The following SOX5 variants were observed in gnomAD, a reference collection of about 807,000 sequenced individuals.
The protein encoded by SOX5 is SRY-box transcription factor 5, also known as transcription factor SOX-5.
A neutral mutation model predicts 92.0 loss-of-function variants in SOX5; 9 were observed. That is an observed-to-expected ratio of 0.10 (90% CI 0.06 to 0.17). The LOEUF is 0.17. Ranked by LOEUF, SOX5 falls within the 10% of genes least tolerant of loss-of-function variation. The pLI is 1.00. For missense variants in SOX5, 642 were observed against 944.5 expected (o/e 0.68, Z 4.20); for synonymous variants, 344 against 336.3 (o/e 1.02, Z -0.25).
chr12:23,878,735 T>A (rs1338014699), intron 2 of SOX5, among the ~76,000 whole-genome samples: 1 of 152,156 alleles, frequency 6.6e-6, no homozygotes, highest in African/African-American at 2.4e-5. Flanking sequence ...TCATATTTTT[T>A]ATTCTCTCTT....
At chr12:23,753,737 A>G (rs1322180485) in intron 4 of SOX5, among the ~76,000 whole-genome samples, 4 of 151,716 alleles carry the variant, frequency 2.6e-5, no homozygotes, top group South Asian at 2.1e-4. Context: ...GGCCCTACAT[A>G]ATCTTTGTGC....
chr12:24,043,740 T>G (rs920882642), intron 4 of SOX5, among the ~76,000 whole-genome samples: 1 of 152,240 alleles, frequency 6.6e-6, no homozygotes, highest in Non-Finnish European at 1.5e-5. Flanking sequence ...GTTATGGAAT[T>G]ACTCATAAAA....
At chr12:23,948,621 A>G (rs1032554116) in intron 1 of SOX5, among the ~76,000 whole-genome samples, 6 of 151,514 alleles carry the variant, frequency 4.0e-5, no homozygotes, top group African/African-American at 1.2e-4. Context: ...TTAATTCACC[A>G]TACAGAATAC....
At chr12:24,154,529 T>C (rs10842285) in intron 4 of SOX5, among the ~76,000 whole-genome samples, 88,998 of 151,962 alleles carry the variant, frequency 0.59, 27,033 homozygotes, top group African/African-American at 0.68. Flanking sequence ...GAGAAAAATT[T>C]GTAAACAAGT....
intron 3 of SOX5, among the ~76,000 whole-genome samples, chr12:24,230,297 G>A (rs1963097160): frequency 6.6e-6 from 1 of 152,062 alleles, no homozygotes; most frequent in Non-Finnish European, 1.5e-5. Flanking sequence ...TCCTGGCCCA[G>A]ACCCCTCCTG....
chr12:23,801,309 G>C (rs2095655405), intron 3 of SOX5, among the ~76,000 whole-genome samples: 1 of 151,992 alleles, frequency 6.6e-6, no homozygotes, highest in Admixed American at 6.6e-5. Flanking sequence ...GAGCCAAAGA[G>C]AACATGAACA....
intron 4 of SOX5, among the ~76,000 whole-genome samples, chr12:23,747,181 T>C (rs781356171): frequency 6.6e-6 from 1 of 152,098 alleles, no homozygotes; most frequent in African/African-American, 2.4e-5. Context: ...CCCTATATAA[T>C]TCATTGGAAA....
chr12:24,293,743 G>A (rs1392335466), intron 2 of SOX5, among the ~76,000 whole-genome samples: 1 of 151,930 alleles, frequency 6.6e-6, no homozygotes, highest in Non-Finnish European at 1.5e-5. Flanking sequence ...TAAGTCAATG[G>A]GACCGATCTC....
At chr12:23,641,435 T>C (rs1319893194) in intron 7 of SOX5, among the ~76,000 whole-genome samples, 1 of 152,228 alleles carries the variant, frequency 6.6e-6, no homozygotes, top group Admixed American at 6.5e-5. Context: ...TTTCAAGTTA[T>C]ATGAAATATT....
intron 3 of SOX5, among the ~76,000 whole-genome samples, chr12:23,840,065 G>T (rs1195389245): frequency 2.0e-5 from 3 of 151,292 alleles, no homozygotes; most frequent in African/African-American, 7.3e-5. Context: ...CAGATGACAT[G>T]ATTGTCTACG....
intron 14 of SOX5, among the ~76,000 whole-genome samples, chr12:23,535,794 G>A (rs932931359): frequency 2.6e-5 from 4 of 152,178 alleles, no homozygotes; most frequent in Non-Finnish European, 5.9e-5. Flanking sequence ...ACTAACTTCT[G>A]TTTCAAATAT....
At chr12:24,315,551 C>T (rs949888417) in intron 2 of SOX5, among the ~76,000 whole-genome samples, 5 of 152,124 alleles carry the variant, frequency 3.3e-5, no homozygotes, top group African/African-American at 9.6e-5. Context: ...GACATCTCTT[C>T]TTCAAAGTTT....
intron 4 of SOX5, among the ~76,000 whole-genome samples, chr12:23,984,355 AAGTCTTAGATC>A (rs1376594958): frequency 6.6e-6 from 1 of 152,180 alleles, no homozygotes; most frequent in Non-Finnish European, 1.5e-5. Context: ...GCATTTAGCT[AAGTCTTAGATC>A]AGTCACAGAA....
chr12:23,834,654 A>G lies in SOX5; in HGVS notation c.481+11329T>C, dbSNP rs141437546. On this transcript the variant is annotated intron_variant, in intron 3 of 14. Coordinates refer to ENST00000451604, the MANE Select transcript of SOX5 (RefSeq NM_006940.6). The stretch of plus-strand genomic sequence containing the variant: ...TTCCCTCAAAAGTAAGGAGTTTAAC[A>G]CTGCAGAAGACACTGACAAATAAAT... 1.4e-3 allele frequency among the ~76,000 whole-genome samples: 218 copies of G among 152,074 alleles called. 1 individual carries two copies. Among genetic ancestry groups the G allele is most frequent in the African/African-American group, 4.9e-3 (205 of 41,564 alleles).
At chr12:24,243,048 T>TA (rs1476381041) in intron 3 of SOX5, among the ~76,000 whole-genome samples, 1 of 152,154 alleles carries the variant, frequency 6.6e-6, no homozygotes, top group African/African-American at 2.4e-5. Context: ...AACAAACTGT[T>TA]AAAGTGTTTA....
chr12:24,331,121 A>C (rs949001458), intron 2 of SOX5, among the ~76,000 whole-genome samples: 1 of 151,978 alleles, frequency 6.6e-6, no homozygotes, highest in Non-Finnish European at 1.5e-5. Flanking sequence ...CAGCTTCCCA[A>C]GTCCCATATT....
chr12:23,668,045 T>C (rs1415953037), intron 6 of SOX5, among the ~76,000 whole-genome samples: 1 of 152,148 alleles, frequency 6.6e-6, no homozygotes, highest in Non-Finnish European at 1.5e-5. Context: ...TGTTGGTAAT[T>C]TTTTGTTTAA....
chr12:24,390,693 T>C (rs1017036927), intron 1 of SOX5, among the ~76,000 whole-genome samples: 3 of 152,196 alleles, frequency 2.0e-5, no homozygotes, highest in African/African-American at 7.2e-5. Context: ...CTTTGAATTA[T>C]TTCAATTAAG....
At chr12:24,110,026 A>G (rs746671420) in intron 4 of SOX5, among the ~76,000 whole-genome samples, 2 of 152,218 alleles carry the variant, frequency 1.3e-5, no homozygotes, top group Non-Finnish European at 2.9e-5. Flanking sequence ...TGGAGGACAC[A>G]TTCAGATCAT....
Sources: allele counts gnomAD v4.1 joint callset (sites outside exome capture counted in the v4.1 genomes callset), GRCh38; gene constraint gnomAD v4.1.1; transcripts MANE v1.5; gene names NCBI Gene and HGNC (gene_info 2026-07-23, HGNC 2026-07-21).